Variants in CAPN13 observed in about 807,000 individuals in gnomAD.
CAPN13 encodes the protein calpain 13.
Under a neutral mutation model 98.4 loss-of-function variants are expected in CAPN13, and 90 were observed. The observed-to-expected ratio is 0.92, with a 90% CI of 0.77 to 1.09. The LOEUF is 1.09. Among genes scored for constraint, CAPN13 ranks in the 50% least tolerant of loss-of-function variants. The pLI is 0.00. For missense variants in CAPN13, 887 were observed against 841.3 expected, an observed-to-expected ratio of 1.05 and a Z score of -0.67; for synonymous variants, 330 against 305.5, an observed-to-expected ratio of 1.08 and a Z score of -0.84.
intron 11 of CAPN13, among the ~76,000 whole-genome samples, chr2:30,746,176 C>T (rs575696491): frequency 6.6e-6 from 1 of 152,082 alleles, no homozygotes; most frequent in Non-Finnish European, 1.5e-5. Context: ...GGGTTATAGG[C>T]GTGAACCACT....
intron 1 of CAPN13, among the ~76,000 whole-genome samples, chr2:30,796,439 G>C (rs759787737): frequency 1.3e-5 from 2 of 151,832 alleles, no homozygotes; most frequent in African/African-American, 4.8e-5. Context: ...GAATGGTCTG[G>C]AATAGCTAAG....
At chr2:30,757,911 C>T in intron 8 of CAPN13, 135 bp downstream of exon 8, 2 of 623,102 alleles carry the variant, frequency 3.2e-6, no homozygotes, top group Non-Finnish European at 5.4e-6. Flanking sequence ...GGACCGATAG[C>T]CACGTGTAGG....
At chr2:30,789,932 A>C (rs564157307) in intron 1 of CAPN13, among the ~76,000 whole-genome samples, 4 of 152,138 alleles carry the variant, frequency 2.6e-5, no homozygotes, top group Admixed American at 2.6e-4. Context: ...ACTGCTCTGC[A>C]TTCACTACAT....
intron 11 of CAPN13, among the ~76,000 whole-genome samples, chr2:30,747,720 C>G (rs1671983197): frequency 6.6e-6 from 1 of 152,208 alleles, no homozygotes; most frequent in Non-Finnish European, 1.5e-5. Context: ...GCCCTGGAGC[C>G]TTCTGAGAGC....
intron 18 of CAPN13, among the ~76,000 whole-genome samples, chr2:30,735,337 G>T (rs2147953351): frequency 6.6e-6 from 1 of 152,304 alleles, no homozygotes; most frequent in East Asian, 1.9e-4. Flanking sequence ...GCTGTCCCCA[G>T]GAGCTACTCC....
intron 19 of CAPN13, among the ~76,000 whole-genome samples, chr2:30,733,325 G>T (rs1285169871): frequency 7.8e-5 from 4 of 51,334 alleles, no homozygotes; most frequent in African/African-American, 4.1e-4. Context: ...CTTTAGATAA[G>T]CCAGGTCCTG....
intron 11 of CAPN13, chr2:30,746,525 G>C (rs539048201): frequency 1.2e-5 from 2 of 160,846 alleles, no homozygotes; most frequent in East Asian, 3.7e-4. Context: ...TAGCGTGGTA[G>C]AACTTACGGC....
chr2:30,760,722 C>T (rs142162464), intron 7 of CAPN13, among the ~76,000 whole-genome samples: 135 of 152,336 alleles, frequency 8.9e-4, no homozygotes, highest in African/African-American at 3.1e-3. Context: ...AAGTCAAGTT[C>T]GTGAGCCCTT....
chr2:30,760,792 C>G (rs1320902049), intron 7 of CAPN13, among the ~76,000 whole-genome samples: 3 of 152,284 alleles, frequency 2.0e-5, no homozygotes, highest in Middle Eastern at 3.4e-3. Flanking sequence ...TCTGGGGGAG[C>G]AGGGGTCACA....
chr2:30,784,544 T>G (rs1009163828), intron 2 of CAPN13, among the ~76,000 whole-genome samples: 1 of 152,184 alleles, frequency 6.6e-6, no homozygotes, highest in African/African-American at 2.4e-5. Flanking sequence ...TAGATCAACT[T>G]TAGAGAGGGA....
At chr2:30,760,769 G>T (rs977293157) in intron 7 of CAPN13, among the ~76,000 whole-genome samples, 2 of 152,132 alleles carry the variant, frequency 1.3e-5, no homozygotes, top group Non-Finnish European at 1.5e-5. Context: ...ATTGGCGCTC[G>T]CATGGGCCTT....
intron 13 of CAPN13, among the ~76,000 whole-genome samples, chr2:30,742,880 C>T (rs1173158777): frequency 6.6e-6 from 1 of 152,084 alleles, no homozygotes; most frequent in Non-Finnish European, 1.5e-5. Flanking sequence ...TTCACTGTCT[C>T]CCTGCTATAC....
intron 7 of CAPN13, 29 bp downstream of exon 7, chr2:30,763,053 G>A (rs1440579880): frequency 6.3e-7 from 1 of 1,579,040 alleles, no homozygotes; most frequent in Non-Finnish European, 8.6e-7. Context: ...GGCCAGGGGA[G>A]AGCTGGACAG....
At chr2:30,799,901 G>A (rs563406751) in intron 1 of CAPN13, among the ~76,000 whole-genome samples, 13 of 151,940 alleles carry the variant, frequency 8.6e-5, no homozygotes, top group Middle Eastern at 3.4e-3. Context: ...GTGAAACCCC[G>A]TCTCTACTAA....
Position 30,734,324 on chromosome 2 carries a change from C to T in CAPN13, c.1798+125G>A, listed in dbSNP as rs148490353. On this transcript the variant is annotated intron_variant, in intron 19 of 22. Coordinates refer to ENST00000295055, the MANE Select transcript of CAPN13 (RefSeq NM_144575.3). ...GGGTCAGTGTGAACTGGGGAGGACA[C>T]GAGAGCTGCAGCGCTCCTCTCTCCT... The T allele has an allele frequency of 1.7e-3, 1,196 of 714,694 alleles. 11 individuals are homozygous for T. The African/African-American group carries it at 0.019, about 11-fold the overall frequency. The allele number at this position is 714,694 out of a possible 1,614,324, so 44.3% of individuals were successfully genotyped here.
At chr2:30,743,723 C>T in intron 12 of CAPN13, 144 bp from the exon 13 acceptor site, 1 of 769,968 alleles carries the variant, frequency 1.3e-6, no homozygotes, top group South Asian at 1.5e-5. Context: ...CAGTGCTCAG[C>T]TGAAGTCTCA....
intron 1 of CAPN13, among the ~76,000 whole-genome samples, chr2:30,800,801 G>C (rs1419551947): frequency 6.6e-6 from 1 of 152,108 alleles, no homozygotes; most frequent in African/African-American, 2.4e-5. Context: ...CCCCTCCCTA[G>C]AGCATTTGAT....
intron 15 of CAPN13, chr2:30,741,451 T>C (rs1341296914): frequency 1.0e-6 from 1 of 1,002,336 alleles, no homozygotes; most frequent in Middle Eastern, 5.1e-4. Flanking sequence ...TTTATAACAG[T>C]TTATTAAGCC....
intron 2 of CAPN13, 102 bp downstream of exon 2, chr2:30,787,026 C>T: frequency 2.4e-6 from 2 of 830,536 alleles, no homozygotes; most frequent in East Asian, 5.3e-5. Context: ...ATTTCATTCT[C>T]CTTCCAGTTT....
Sources: allele counts gnomAD v4.1 joint callset (sites outside exome capture counted in the v4.1 genomes callset), GRCh38; gene constraint gnomAD v4.1.1; transcripts MANE v1.5; gene names NCBI Gene and HGNC (gene_info 2026-07-23, HGNC 2026-07-21).